PLPPR4: variants seen among roughly 807,000 people sequenced by gnomAD.
PLPPR4 encodes phospholipid phosphatase related 4.
In PLPPR4, 24 loss-of-function variants were observed where a neutral mutation model predicts 56.6. The observed-to-expected ratio is 0.42, with a 90% confidence interval of 0.31 to 0.60. The LOEUF is 0.60. Ranked by LOEUF, PLPPR4 falls within the 20% of genes least tolerant of loss-of-function variation. PLPPR4 has a pLI of 0.13. For missense variants in PLPPR4, 654 were observed against 885.8 expected (o/e 0.74, Z 3.32); for synonymous variants, 326 against 328.1 (o/e 0.99, Z 0.07).
intron 1 of PLPPR4, among the ~76,000 whole-genome samples, chr1:99,285,509 G>T (rs990862074): frequency 6.6e-6 from 1 of 152,098 alleles, no homozygotes; most frequent in Admixed American, 6.5e-5. Flanking sequence ...TGAAGTGATC[G>T]AATAATAGCC....
At chr1:99,299,491 A>G (rs111338921) in intron 4 of PLPPR4, among the ~76,000 whole-genome samples, 283 of 152,122 alleles carry the variant, frequency 1.9e-3, no homozygotes, top group African/African-American at 6.4e-3. Context: ...TTTGTGATCA[A>G]TCCTATACTC....
intron 4 of PLPPR4, among the ~76,000 whole-genome samples, chr1:99,299,796 A>C (rs1279714943): frequency 6.6e-6 from 1 of 151,952 alleles, no homozygotes; most frequent in Non-Finnish European, 1.5e-5. Flanking sequence ...TTCTGGCCTT[A>C]CATGTCAGAA....
chr1:99,284,672 T>C (rs1236360063), intron 1 of PLPPR4, among the ~76,000 whole-genome samples: 2 of 151,882 alleles, frequency 1.3e-5, no homozygotes, highest in Non-Finnish European at 2.9e-5. Context: ...TGGAAAATTA[T>C]ATAATTAGAA....
intron 1 of PLPPR4, among the ~76,000 whole-genome samples, chr1:99,280,363 C>T (rs1178995742): frequency 6.6e-6 from 1 of 150,968 alleles, no homozygotes; most frequent in East Asian, 2.0e-4. Context: ...ATCTTTTAAA[C>T]TTAACTAGTA....
Position 99,306,632 on chromosome 1 carries a change from C to T in PLPPR4, c.1770C>T (p.Ser590=). The T allele has an allele frequency of 1.2e-6, 2 of 1,614,128 alleles. No individual in the cohort carries two copies. Among genetic ancestry groups the T allele is most frequent in the Non-Finnish European group, 1.7e-6 (2 of 1,180,028 alleles). Residue 590 remains serine (S), a synonymous_variant, in exon 7 of 7, where the codon TCC becomes TCT. Coordinates refer to ENST00000370185, the MANE Select transcript of PLPPR4 (RefSeq NM_014839.5). This position sits in a 1 kb window ranked among gnomAD's most constrained non-coding sequence, Gnocchi z 4.0. ...ENNRPIIQIP[S]TEGEGSGSWK... is the part of the protein sequence containing the mutation. ...ACAGGCCCATCATACAGATCCCGTC[C>T]ACTGAAGGTGAAGGCAGTGGCTCCT...
chr1:99,297,446 T>A (rs576309842), intron 3 of PLPPR4, among the ~76,000 whole-genome samples: 25 of 152,118 alleles, frequency 1.6e-4, no homozygotes, highest in African/African-American at 5.8e-4. Context: ...CAAACCTTCA[T>A]CTCTTCTGCT....
Position 99,306,826 on chromosome 1 carries a change from T to G in PLPPR4, c.1964T>G (p.Ile655Ser). The change falls in exon 7 of 7, where the codon ATC becomes AGC. Residue 655 changes from isoleucine (I) to serine (S), a missense_variant. Ile to Ser is a moderately radical substitution (Grantham distance 142, BLOSUM62 -2). Transcript: ENST00000370185. The surrounding 1 kb of genome is among the most constrained non-coding windows in gnomAD (Gnocchi z 4.0). ...CATCACCACCACGGAATTACCACCA[T>G]CCGCGTCACCCCAGTAGAGGGCAGC... ...NEHHHHGITT[I>S]RVTPVEGSEI... 6.2e-7 allele frequency: 1 copy of G among 1,614,052 alleles called. No homozygotes were observed.
At chr1:99,286,964 G>A (rs819765) in intron 1 of PLPPR4, among the ~76,000 whole-genome samples, 64,179 of 151,940 alleles carry the variant, frequency 0.42, 13,645 homozygotes, top group Admixed American at 0.45. Context: ...GAATGTGCAG[G>A]TTTGTTACAT....
chr1:99,284,401 G>T (rs1171362728), intron 1 of PLPPR4, among the ~76,000 whole-genome samples: 1 of 151,832 alleles, frequency 6.6e-6, no homozygotes, highest in Non-Finnish European at 1.5e-5. Flanking sequence ...ATGATGTAAG[G>T]AGCAGAGTAA....
chr1:99,268,908 TAAC>T (rs1658977844), intron 1 of PLPPR4, among the ~76,000 whole-genome samples: 1 of 152,300 alleles, frequency 6.6e-6, no homozygotes, highest in East Asian at 1.9e-4. Flanking sequence ...TACCTAGAGT[TAAC>T]AAAAGAGTAT....
At chr1:99,305,191 C>T (rs752481235) in intron 6 of PLPPR4, among the ~76,000 whole-genome samples, 2 of 152,018 alleles carry the variant, frequency 1.3e-5, no homozygotes, top group Non-Finnish European at 2.9e-5. Context: ...CATATGTCTC[C>T]GACCTTCTTT....
At chr1:99,297,214 T>C (rs1659765775) in intron 3 of PLPPR4, among the ~76,000 whole-genome samples, 1 of 152,158 alleles carries the variant, frequency 6.6e-6, no homozygotes, top group Non-Finnish European at 1.5e-5. Context: ...CCAGAATGAA[T>C]AGACAACTCT....
At position 99,264,529 on chromosome 1, in the gene PLPPR4, C is replaced by G; in HGVS notation, c.-65C>G. The G allele has an allele frequency of 1.3e-6, 2 of 1,550,512 alleles. No individual in the cohort carries two copies. Among genetic ancestry groups the G allele is most frequent in the Non-Finnish European group, 8.7e-7 (1 of 1,147,424 alleles). Reference sequence around the variant, plus strand: ...GGGCGCTTGGGGCTGGAGGAGGCAGCTCGCCTCAGCTGCGCTGTGCACACC... The same window carrying G: ...GGGCGCTTGGGGCTGGAGGAGGCAGGTCGCCTCAGCTGCGCTGTGCACACC... On this transcript the variant is annotated 5_prime_UTR_variant, in exon 1 of 7. Transcript: ENST00000370185.
rs1250106245 is a variant in PLPPR4 at position 99,306,689 on chromosome 1, T to C, written c.1827T>C (p.Leu609=). Residue 609 remains leucine, a synonymous_variant, in exon 7 of 7, where the codon CTT becomes CTC. Coordinates refer to ENST00000370185, the MANE Select transcript of PLPPR4 (RefSeq NM_014839.5). This position sits in a 1 kb window ranked among gnomAD's most constrained non-coding sequence, Gnocchi z 4.0. ...GGAAAGCCCCTGAAAAGGGCAGCCT[T>C]CGCCAAACTTACGAGCTCAACGATC... The part of the protein sequence containing the change: ...WKWKAPEKGS[L]RQTYELNDLN... The C allele has an allele frequency of 6.2e-6, 10 of 1,613,928 alleles. No individual in the cohort carries two copies. The highest frequency in any genetic ancestry group is 8.5e-6 in the Non-Finnish European group (10 of 1,180,016).
In PLPPR4 at chr1:99,306,691, G is replaced by A. The variant is rs754693317; in HGVS notation, c.1829G>A (p.Arg610His). Reference sequence around the variant, plus strand: ...AAAGCCCCTGAAAAGGGCAGCCTTCGCCAAACTTACGAGCTCAACGATCTC... The same window carrying A: ...AAAGCCCCTGAAAAGGGCAGCCTTCACCAAACTTACGAGCTCAACGATCTC... ...KWKAPEKGSL[R>H]QTYELNDLNR... The change falls in exon 7 of 7, where the codon CGC becomes CAC. Residue 610 changes from arginine (R) to histidine (H), a missense_variant. By Grantham distance (29) the Arg-to-His change is conservative. Coordinates refer to ENST00000370185, the MANE Select transcript of PLPPR4 (RefSeq NM_014839.5). The surrounding 1 kb of genome is among the most constrained non-coding windows in gnomAD (Gnocchi z 4.0). 2.5e-6 allele frequency: 4 copies of A among 1,614,050 alleles called. No homozygotes were observed. Among genetic ancestry groups the A allele is most frequent in the Non-Finnish European group, 3.4e-6 (4 of 1,180,018 alleles).
At chr1:99,273,353 T>C (rs1659105072) in intron 1 of PLPPR4, among the ~76,000 whole-genome samples, 1 of 152,078 alleles carries the variant, frequency 6.6e-6, no homozygotes, top group Non-Finnish European at 1.5e-5. Context: ...AAAATCAATG[T>C]ATTTGTGGGA....
chr1:99,307,135 T>C lies in PLPPR4; in HGVS notation c.*125T>C. On this transcript the variant is annotated 3_prime_UTR_variant, in exon 7 of 7. Transcript: ENST00000370185. ...TGTCTACCATCAGCCCAGAACTCTG[T>C]AACTTTTCAGAACTGCTATACTCAA... 2 of 1,224,622 alleles carry C rather than the reference T, an allele frequency of 1.6e-6. No homozygotes were observed. The highest frequency in any genetic ancestry group is 4.7e-5 in the East Asian group (2 of 42,370). The allele number at this position is 1,224,622 out of a possible 1,614,324, so 75.9% of individuals were successfully genotyped here. A position where few individuals can be genotyped will look rare whatever the true frequency, so the allele number is the denominator to read the frequency against.
At chr1:99,294,356 A>G (rs971431192) in intron 2 of PLPPR4, among the ~76,000 whole-genome samples, 1 of 152,196 alleles carries the variant, frequency 6.6e-6, no homozygotes, top group Non-Finnish European at 1.5e-5. Context: ...ATAAGTATTG[A>G]TGCATTTTCT....
intron 2 of PLPPR4, among the ~76,000 whole-genome samples, chr1:99,294,834 T>C (rs1487702744): frequency 6.6e-6 from 1 of 152,076 alleles, no homozygotes; most frequent in Non-Finnish European, 1.5e-5. Flanking sequence ...CAAGATGTAA[T>C]CATTACAAAT....
Sources: gnomAD v4.1 joint callset for allele counts (sites outside exome capture counted in the v4.1 genomes callset) on GRCh38, gnomAD v4.1.1 for gene constraint, Gnocchi (gnomAD v3.1) non-coding constraint, MANE v1.5 for transcripts, NCBI Gene and HGNC (gene_info 2026-07-23, HGNC 2026-07-21) for gene names.